The following FRMD8 variants were observed in gnomAD, a reference collection of about 807,000 sequenced individuals.
FRMD8 encodes the protein FERM domain-containing protein 8.
In FRMD8, 37 loss-of-function variants were observed where a neutral mutation model predicts 54.2. That is an observed-to-expected ratio of 0.68 (90% CI 0.53 to 0.90). The LOEUF (loss-of-function observed/expected upper bound fraction) is 0.90, where lower values mean the gene tolerates loss of function less well. Ranked by LOEUF, FRMD8 falls within the 40% of genes least tolerant of loss-of-function variation. The pLI, the probability that FRMD8 is intolerant of heterozygous loss-of-function variation, is 0.00. For synonymous variants in FRMD8, 246 were observed against 286.9 expected, an observed-to-expected ratio of 0.86 and a Z score of 1.44; for missense variants, 585 against 653.7, an observed-to-expected ratio of 0.89 and a Z score of 1.15.
In FRMD8 at chr11:65,399,767, C is replaced by T. The variant is rs371187621; in HGVS notation, c.835C>T (p.Pro279Ser). Residue 279 changes from proline (P) to serine (S), a missense_variant, in exon 8 of 11, where the codon CCG (proline) becomes TCG (serine). Coordinates refer to ENST00000317568, the MANE Select transcript of FRMD8 (RefSeq NM_031904.5). ...CAFFHGEVDK[P>S]AQGFLHRGGR... The stretch of plus-strand genomic sequence containing the variant: ...CTTCTTCCACGGTGAGGTTGACAAG[C>T]CGGCCCAAGGCTTTTTGCACCGGGG... 5.6e-6 allele frequency: 9 copies of T among 1,613,998 alleles called. No homozygotes were observed. The highest frequency in any genetic ancestry group is 6.8e-6 in the Non-Finnish European group (8 of 1,179,986).
the FRMD8 span, chr11:65,377,087 T>A: frequency 6.2e-7 from 1 of 1,610,380 alleles, no homozygotes; most frequent in Non-Finnish European, 8.5e-7. Flanking sequence ...CTGTTGGTGA[T>A]GAAACATGAG....
chr11:65,410,893 C>G (rs1190957535), intron 10 of FRMD8, among the ~76,000 whole-genome samples: 1 of 152,208 alleles, frequency 6.6e-6, no homozygotes, highest in Non-Finnish European at 1.5e-5. Flanking sequence ...CCATTATTAG[C>G]CAAAGTGCCT....
chr11:65,407,346 G>A (rs1856223820), intron 10 of FRMD8, among the ~76,000 whole-genome samples: 2 of 151,708 alleles, frequency 1.3e-5, no homozygotes, highest in Non-Finnish European at 2.9e-5. Context: ...CCGCACCCTG[G>A]GTTCAAGCGA....
At chr11:65,370,910 G>C in the FRMD8 span, among the ~76,000 whole-genome samples, 3 of 152,242 alleles carry the variant, frequency 2.0e-5, no homozygotes, top group Middle Eastern at 0.01. Flanking sequence ...TAAAAAATTG[G>C]GAAGGAGTAG....
intron 10 of FRMD8, among the ~76,000 whole-genome samples, chr11:65,410,160 T>C (rs1360878638): frequency 6.6e-6 from 1 of 152,020 alleles, no homozygotes; most frequent in South Asian, 2.1e-4. Flanking sequence ...AGTCAGGAGT[T>C]TGAGACTAGC....
chr11:65,380,221 C>T, the FRMD8 span: 101 of 1,613,774 alleles, frequency 6.3e-5, no homozygotes, highest in African/African-American at 1.2e-3. Context: ...TCGTGCCAGG[C>T]CCAGGAAGCA....
chr11:65,370,429 C>T, the FRMD8 span, among the ~76,000 whole-genome samples: 13 of 146,168 alleles, frequency 8.9e-5, no homozygotes, highest in African/African-American at 1.5e-4. Context: ...GGGCCAGGCG[C>T]GGTGGCTCAC....
In FRMD8 at chr11:65,396,811, C is replaced by T. The variant is rs772865648; in HGVS notation, c.594C>T (p.Asp198=). Residue 198 remains aspartate (D), a synonymous_variant, in exon 7 of 11, where the codon GAC becomes GAT. Transcript: ENST00000317568. Reference sequence around the variant, plus strand: ...CCTTCCTCCACAGGGAGAAGCTGGACTCCTTCCTCCCTGCCCACCTCTGTA... The same window carrying T: ...CCTTCCTCCACAGGGAGAAGCTGGATTCCTTCCTCCCTGCCCACCTCTGTA... ...PAACDLREKL[D]SFLPAHLCKR... 39 of 1,541,914 alleles carry T rather than the reference C, an allele frequency of 2.5e-5. No homozygotes were observed. In the East Asian group the frequency reaches 9.7e-4, roughly 39 times the overall value.
the FRMD8 span, chr11:65,377,856 C>T: frequency 7.9e-5 from 12 of 152,278 alleles, no homozygotes; most frequent in African/African-American, 2.9e-4. Flanking sequence ...GGGTCCATGT[C>T]AAGGCTAGCC....
the FRMD8 span, chr11:65,379,661 A>C: frequency 1.5e-6 from 2 of 1,354,782 alleles, no homozygotes; most frequent in Non-Finnish European, 2.0e-6. Flanking sequence ...ACTGCTCCCA[A>C]GTCCTGCCAC....
chr11:65,396,903 G>T lies in FRMD8; in HGVS notation c.686G>T (p.Gly229Val). The T allele has an allele frequency of 6.4e-7, 1 of 1,557,674 alleles. No homozygotes were observed. The highest frequency in any genetic ancestry group is 8.7e-7 in the Non-Finnish European group (1 of 1,151,490). The change falls in exon 7 of 11, where the codon GGC becomes GTC. Residue 229 changes from glycine to valine, a missense_variant. Gly to Val is a moderately radical substitution (Grantham distance 109). Coordinates refer to ENST00000317568, the MANE Select transcript of FRMD8 (RefSeq NM_031904.5). ...RGARAGPGEQ[G>V]LLNAYRQVQE... ...GCCAGGGCCGGGCCGGGCGAGCAGG[G>T]CCTGCTGAACGCCTACCGCCAGGTG...
At position 65,409,149 on chromosome 11, in the gene FRMD8, G is replaced by T. The variant is rs559663562; in HGVS notation, c.1277-2093G>T. Among the ~76,000 whole-genome samples, 4 of 151,984 alleles carry T rather than the reference G, an allele frequency of 2.6e-5. No individual in the cohort carries two copies. In the East Asian group the frequency reaches 7.8e-4, roughly 29 times the overall value. On this transcript the variant is annotated intron_variant, in intron 10 of 10. Transcript: ENST00000317568. ...TGCCCAGGCTGGAGTGCAATGGCAT[G>T]ATCTCAGCTCACTGCAACCTCTGCC...
chr11:65,405,128 GGGAGTTCCTGA>G, intron 10 of FRMD8, 60 bp downstream of exon 10: 2 of 1,526,342 alleles, frequency 1.3e-6, no homozygotes, highest in Non-Finnish European at 1.8e-6. Context: ...ACACACCGGG[GGGAGTTCCTGA>G]GGACAGGGCA....
At chr11:65,379,069 A>G in the FRMD8 span, 7 of 377,500 alleles carry the variant, frequency 1.9e-5, no homozygotes, top group African/African-American at 4.3e-5. Context: ...TGGGCTCCCC[A>G]CAGCTCTGAG....
At chr11:65,399,896 G>T in intron 8 of FRMD8, 37 bp downstream of exon 8, 1 of 1,587,924 alleles carries the variant, frequency 6.3e-7, no homozygotes, top group Non-Finnish European at 8.6e-7. Context: ...GAGAGGATGG[G>T]AGGGGGCTCC....
At chr11:65,372,093 GT>G in the FRMD8 span, among the ~76,000 whole-genome samples, 1 of 151,670 alleles carries the variant, frequency 6.6e-6, no homozygotes, top group East Asian at 1.9e-4. Flanking sequence ...TGTGTTTTTA[GT>G]AGAGATGGGG....
the FRMD8 span, among the ~76,000 whole-genome samples, chr11:65,374,308 A>ATGTGCCCAGGTGGAGCAGGGTAGCCC: frequency 6.9e-6 from 1 of 145,700 alleles, no homozygotes. Context: ...GAAGACCCCC[A>ATGTGCCCAGGTGGAGCAGGGTAGCCC]TGTGCCCAGG....
At position 65,404,722 on chromosome 11, in the gene FRMD8, CCT is replaced by C; in HGVS notation, c.1072-141_1072-140del. 3 of 676,948 alleles carry C rather than the reference CCT, an allele frequency of 4.4e-6. No individual in the cohort carries two copies. Among genetic ancestry groups the C allele is most frequent in the Non-Finnish European group, 7.6e-6 (3 of 395,030 alleles). 41.9% of individuals were successfully genotyped at this position (676,948 alleles called of 1,614,324 possible). A position where few individuals can be genotyped will look rare whatever the true frequency, so the allele number is the denominator to read the frequency against. ...ACAGTCACCCAAGTGGGACACCTCC[CCT>C]GCCTCCCTGCTCCCTCCCTCCTGAG... On this transcript the variant is annotated intron_variant, in intron 9 of 10. Coordinates refer to ENST00000317568, the MANE Select transcript of FRMD8 (RefSeq NM_031904.5). The surrounding 1 kb of genome is among the most constrained non-coding windows in gnomAD (Gnocchi z 4.7).
intron 10 of FRMD8, among the ~76,000 whole-genome samples, chr11:65,407,883 C>CAAAAA (rs541022646): frequency 8.0e-6 from 1 of 124,654 alleles, no homozygotes; most frequent in Non-Finnish European, 1.7e-5. Context: ...GACTCTGTCT[C>CAAAAA]AAAAAAAAAA....
Sources: allele counts gnomAD v4.1 joint callset (sites outside exome capture counted in the v4.1 genomes callset), GRCh38; gene constraint gnomAD v4.1.1; non-coding constraint Gnocchi (gnomAD v3.1); transcripts MANE v1.5; gene names NCBI Gene and HGNC (gene_info 2026-07-23, HGNC 2026-07-21).